ABTB3: variants seen among roughly 807,000 people sequenced by gnomAD.
The protein encoded by ABTB3 is ankyrin repeat and BTB domain containing 3.
the ABTB3 span, among the ~76,000 whole-genome samples, chr12:107,597,881 G>GT: frequency 6.6e-6 from 1 of 152,146 alleles, no homozygotes; most frequent in African/African-American, 2.4e-5. Flanking sequence ...GTCACCTTCT[G>GT]TTTTTTAAAT....
At chr12:107,350,303 G>T in the ABTB3 span, among the ~76,000 whole-genome samples, 1 of 152,098 alleles carries the variant, frequency 6.6e-6, no homozygotes. Context: ...TGTAATCCCA[G>T]CACTTTGGGA....
At chr12:107,461,951 A>AT in the ABTB3 span, among the ~76,000 whole-genome samples, 10 of 152,138 alleles carry the variant, frequency 6.6e-5, no homozygotes, top group Non-Finnish European at 1.3e-4. Flanking sequence ...TTTCCATCTG[A>AT]TTTTGCATTG....
the ABTB3 span, among the ~76,000 whole-genome samples, chr12:107,481,666 A>G: frequency 6.6e-6 from 1 of 152,154 alleles, no homozygotes; most frequent in Non-Finnish European, 1.5e-5. Context: ...TACTCCAACT[A>G]GATTGAGCCA....
At chr12:107,609,122 C>T in the ABTB3 span, among the ~76,000 whole-genome samples, 5 of 152,250 alleles carry the variant, frequency 3.3e-5, no homozygotes, top group African/African-American at 7.2e-5. Context: ...TGTAACAGTG[C>T]GTGCCTCTGA....
the ABTB3 span, among the ~76,000 whole-genome samples, chr12:107,480,204 G>T: frequency 6.6e-6 from 1 of 152,144 alleles, no homozygotes; most frequent in African/African-American, 2.4e-5. Flanking sequence ...CACAGAAGTA[G>T]TTAGCATTAG....
At chr12:107,450,462 G>GA in the ABTB3 span, among the ~76,000 whole-genome samples, 1 of 152,194 alleles carries the variant, frequency 6.6e-6, no homozygotes, top group Non-Finnish European at 1.5e-5. Flanking sequence ...GTTGCAGAAA[G>GA]AATGGGGGCT....
chr12:107,319,512 T>G, the ABTB3 span: 3 of 1,578,662 alleles, frequency 1.9e-6, no homozygotes, highest in Non-Finnish European at 2.6e-6. Flanking sequence ...CTCTACAACA[T>G]GAGCAGCGCC....
chr12:107,655,134 A>G, the ABTB3 span, among the ~76,000 whole-genome samples: 1 of 151,974 alleles, frequency 6.6e-6, no homozygotes, highest in Non-Finnish European at 1.5e-5. Context: ...AATCTCTTCA[A>G]GTTCGTTGTC....
chr12:107,643,401 TCA>T, the ABTB3 span, among the ~76,000 whole-genome samples: 3 of 67,648 alleles, frequency 4.4e-5, 1 homozygote, highest in African/African-American at 6.2e-5. Context: ...AGACCCTATC[TCA>T]AAAAAAAAAA....
At chr12:107,656,158 G>A in the ABTB3 span, among the ~76,000 whole-genome samples, 38,676 of 150,496 alleles carry the variant, frequency 0.26, 5,795 homozygotes, top group Middle Eastern at 0.39. Flanking sequence ...AAAAATAGCC[G>A]GACATGGTGG....
At chr12:107,333,255 T>G in the ABTB3 span, among the ~76,000 whole-genome samples, 2 of 152,184 alleles carry the variant, frequency 1.3e-5, no homozygotes, top group Non-Finnish European at 2.9e-5. Context: ...AGTGTATATC[T>G]AAGTCAGATG....
chr12:107,345,452 T>A, the ABTB3 span, among the ~76,000 whole-genome samples: 1 of 141,460 alleles, frequency 7.1e-6, no homozygotes, highest in Admixed American at 6.9e-5. Context: ...TTGGATTCTT[T>A]TCAGTTGCAA....
At chr12:107,448,743 C>T in the ABTB3 span, among the ~76,000 whole-genome samples, 2 of 151,934 alleles carry the variant, frequency 1.3e-5, no homozygotes, top group East Asian at 3.9e-4. Context: ...CAGGTTCAAG[C>T]AATTCTCCTG....
chr12:107,510,512 T>C, the ABTB3 span, among the ~76,000 whole-genome samples: 2 of 152,016 alleles, frequency 1.3e-5, no homozygotes, highest in Non-Finnish European at 2.9e-5. Flanking sequence ...TAACAGATAA[T>C]ATATAATATA....
the ABTB3 span, among the ~76,000 whole-genome samples, chr12:107,648,692 G>A: frequency 6.6e-6 from 1 of 152,158 alleles, no homozygotes; most frequent in African/African-American, 2.4e-5. Flanking sequence ...TTGTAATAAG[G>A]AGCAGGTGGC....
chr12:107,573,209 T>C, the ABTB3 span, among the ~76,000 whole-genome samples: 8 of 152,216 alleles, frequency 5.3e-5, no homozygotes, highest in Non-Finnish European at 1.2e-4. Context: ...CCATGGGATC[T>C]AGCACCTGAG....
At chr12:107,465,889 G>T in the ABTB3 span, among the ~76,000 whole-genome samples, 3 of 152,044 alleles carry the variant, frequency 2.0e-5, no homozygotes, top group African/African-American at 7.2e-5. Context: ...CTCTGCGTTC[G>T]TACTGCCTCT....
At chr12:107,475,102 C>T in the ABTB3 span, among the ~76,000 whole-genome samples, 686 of 152,292 alleles carry the variant, frequency 4.5e-3, 3 homozygotes, top group Non-Finnish European at 7.8e-3. Context: ...TAACTCAACT[C>T]AGCAGTGAAC....
At chr12:107,472,465 T>C in the ABTB3 span, among the ~76,000 whole-genome samples, 1 of 152,102 alleles carries the variant, frequency 6.6e-6, no homozygotes, top group Non-Finnish European at 1.5e-5. Flanking sequence ...ACTCCTTTGG[T>C]TTGAAGCACT....
Sources: allele counts gnomAD v4.1 joint callset (sites outside exome capture counted in the v4.1 genomes callset), GRCh38; gene constraint gnomAD v4.1.1; transcripts MANE v1.5; gene names NCBI Gene and HGNC (gene_info 2026-07-23, HGNC 2026-07-21).